The following IRS1 variants were observed in gnomAD, a reference collection of about 807,000 sequenced individuals.
IRS1 encodes insulin receptor substrate 1.
IRS1 carries 34 observed loss-of-function variants against 65.6 expected under a neutral mutation model. That is an observed-to-expected ratio of 0.52 (90% CI 0.39 to 0.69). The LOEUF (loss-of-function observed/expected upper bound fraction) is 0.69. Among genes scored for constraint, IRS1 ranks in the 30% least tolerant of loss-of-function variants. The pLI, the probability that IRS1 is intolerant of heterozygous loss-of-function variation, is 0.00. For missense variants in IRS1, 1,641 were observed against 1,720.2 expected, an observed-to-expected ratio of 0.95 and a Z score of 0.81; for synonymous variants, 699 against 683.5, an observed-to-expected ratio of 1.02 and a Z score of -0.35.
intron 1 of IRS1, among the ~76,000 whole-genome samples, chr2:226,751,049 A>G (rs1047656918): frequency 2.6e-5 from 4 of 152,174 alleles, no homozygotes; most frequent in Admixed American, 2.6e-4. Context: ...AGGCTACACC[A>G]CAAGCCATGT....
intron 1 of IRS1, among the ~76,000 whole-genome samples, chr2:226,793,923 G>A (rs1352624224): frequency 6.6e-6 from 1 of 152,140 alleles, no homozygotes. Context: ...TACGGCATTA[G>A]CCACAGAAGA....
Position 226,795,560 on chromosome 2 carries a change from A to C in IRS1, c.3179T>G (p.Leu1060Arg). The change falls in exon 1 of 2, where the codon CTG becomes CGG. Residue 1060 changes from leucine (L) to arginine (R), a missense_variant. Transcript: ENST00000305123. ...AAELAAHSSLLGGPQGPGGMS... is the reference protein window; with the variant it reads ...AAELAAHSSLRGGPQGPGGMS... ...GCCCCCAGGTCCTTGTGGGCCCCCC[A>C]GCAGGGACGAGTGGGCAGCCAGCTC... 6.2e-7 allele frequency: 1 copy of C among 1,613,024 alleles called. No individual in the cohort carries two copies.
chr2:226,769,102 A>G (rs190115594), intron 1 of IRS1, among the ~76,000 whole-genome samples: 6 of 152,352 alleles, frequency 3.9e-5, no homozygotes, highest in Non-Finnish European at 7.3e-5. Context: ...TATGCAACTG[A>G]AGAGACCATC....
At chr2:226,764,466 C>T (rs1186893842) in intron 1 of IRS1, among the ~76,000 whole-genome samples, 1 of 152,016 alleles carries the variant, frequency 6.6e-6, no homozygotes, top group Admixed American at 6.6e-5. Context: ...TCACTCAAGT[C>T]GAGGAGTGCG....
At position 226,799,767 on chromosome 2, in the gene IRS1, C is replaced by T. The variant is rs943265763; in HGVS notation, c.-1029G>A. 77 of 997,304 alleles carry T rather than the reference C, an allele frequency of 7.7e-5. No individual in the cohort carries two copies. Among genetic ancestry groups the T allele is most frequent in the Admixed American group, 3.1e-4 (5 of 16,272 alleles). 61.8% of individuals were successfully genotyped at this position (997,304 alleles called of 1,614,324 possible). A position where few individuals can be genotyped will look rare whatever the true frequency, so the allele number is the denominator to read the frequency against. Reference sequence around the variant, plus strand: ...CCTCCGACCGCGCCGCCGTCTCACTCGGAGGAGAAAAACACGTGACGGAGC... The same window carrying T: ...CCTCCGACCGCGCCGCCGTCTCACTTGGAGGAGAAAAACACGTGACGGAGC... On this transcript the variant is annotated 5_prime_UTR_variant, in exon 1 of 2. Coordinates refer to ENST00000305123, the MANE Select transcript of IRS1 (RefSeq NM_005544.3). The surrounding 1 kb of genome is among the most constrained non-coding windows in gnomAD (Gnocchi z 6.1).
intron 1 of IRS1, among the ~76,000 whole-genome samples, chr2:226,755,654 G>C (rs1047695046): frequency 2.6e-5 from 4 of 152,198 alleles, no homozygotes; most frequent in African/African-American, 9.6e-5. Flanking sequence ...ATTACTGGGG[G>C]AAGTCTGTTT....
intron 1 of IRS1, among the ~76,000 whole-genome samples, chr2:226,781,872 A>G (rs929119951): frequency 3.3e-5 from 5 of 149,258 alleles, no homozygotes; most frequent in Non-Finnish European, 1.5e-5. Context: ...AAATACACAC[A>G]CACACACACA....
chr2:226,795,436 G>C lies in IRS1; in HGVS notation c.3303C>G (p.Ser1101=), dbSNP rs140150448. 22 of 1,613,436 alleles carry C rather than the reference G, an allele frequency of 1.4e-5. No homozygotes were observed. Among genetic ancestry groups the C allele is most frequent in the Non-Finnish European group, 1.9e-5 (22 of 1,180,032 alleles). Residue 1101 remains serine (S), a synonymous_variant, in exon 1 of 2, where the codon TCC becomes TCG. Transcript: ENST00000305123. Reference sequence around the variant, plus strand: ...CACTGGGTGTTGAGGAGAAAGTCTCGGAGCTATGCCTCCGCCGGCACCCTT... The same window carrying C: ...CACTGGGTGTTGAGGAGAAAGTCTCCGAGCTATGCCTCCGCCGGCACCCTT... ...DPQGCRRRHS[S]ETFSSTPSAT...
At chr2:226,751,251 T>C (rs1032091945) in intron 1 of IRS1, among the ~76,000 whole-genome samples, 55 of 149,558 alleles carry the variant, frequency 3.7e-4, no homozygotes. Context: ...TAGTTAGAAT[T>C]CCTTAAAAGA....
chr2:226,787,416 C>T (rs1939507621), intron 1 of IRS1, among the ~76,000 whole-genome samples: 1 of 152,102 alleles, frequency 6.6e-6, no homozygotes, highest in Non-Finnish European at 1.5e-5. Context: ...ACTACACAAT[C>T]GGAATCTTGA....
Position 226,791,957 on chromosome 2 carries a change from A to T in IRS1, c.*21+3032T>A, listed in dbSNP as rs1312974409. On this transcript the variant is annotated intron_variant, in intron 1 of 1. Coordinates refer to ENST00000305123, the MANE Select transcript of IRS1 (RefSeq NM_005544.3). ...GAAGAGGGAGGAGAAGGAATGCAGG[A>T]AGCGGAGGTGACCCGGAAAAGGGAA... is the stretch of plus-strand genomic sequence containing the variant. Among the ~76,000 whole-genome samples the T allele has an allele frequency of 2.0e-5, 3 of 152,098 alleles. No homozygotes were observed. The South Asian group carries it at 6.2e-4, about 32-fold the overall frequency.
Position 226,797,001 on chromosome 2 carries a change from G to C in IRS1, c.1738C>G (p.Arg580Gly), listed in dbSNP as rs144912682. Residue 580 changes from arginine (R) to glycine (G), a missense_variant, in exon 1 of 2, where the codon CGC (arginine) becomes GGC (glycine). By Grantham distance (125) the Arg-to-Gly change is moderately radical (BLOSUM62 -2). Transcript: ENST00000305123. The surrounding 1 kb of genome is among the most constrained non-coding windows in gnomAD (Gnocchi z 8.1). ...GHRHSAFVPT[R>G]SYPEEGLEMH... is the part of the protein sequence containing the mutation. ...TCCAGACCCTCCTCTGGGTAGGAGC[G>C]GGTGGGCACGAAGGCGGAGTGCCTG... 3.4e-5 allele frequency: 55 copies of C among 1,599,292 alleles called. No individual in the cohort carries two copies. The East Asian group carries it at 1.0e-3, about 30-fold the overall frequency.
intron 1 of IRS1, among the ~76,000 whole-genome samples, chr2:226,740,048 A>C (rs1218692352): frequency 6.6e-6 from 1 of 152,244 alleles, no homozygotes; most frequent in Non-Finnish European, 1.5e-5. Flanking sequence ...AAGTTTTACA[A>C]ATGCAAAAAT....
intron 1 of IRS1, among the ~76,000 whole-genome samples, chr2:226,793,240 A>G (rs190343229): frequency 3.0e-4 from 46 of 152,340 alleles, no homozygotes; most frequent in African/African-American, 1.1e-3. Flanking sequence ...GACAAGTAAG[A>G]AAAACTTATT....
rs566176704 is a variant in IRS1, at chr2:226,799,232, G to A, written c.-494C>T. ...AATATCCTTGGGCAGGGGGAGGCGG[G>A]TTGCCAAGTCCCAACGTTGCACGGG... On this transcript the variant is annotated 5_prime_UTR_variant, in exon 1 of 2. Coordinates refer to ENST00000305123, the MANE Select transcript of IRS1 (RefSeq NM_005544.3). This position sits in a 1 kb window ranked among gnomAD's most constrained non-coding sequence, Gnocchi z 6.1. 36 of 1,116,418 alleles carry A rather than the reference G, an allele frequency of 3.2e-5. No individual in the cohort carries two copies. In the South Asian group the frequency reaches 6.9e-4, roughly 21 times the overall value. 69.2% of individuals were successfully genotyped at this position (1,116,418 alleles called of 1,614,324 possible).
intron 1 of IRS1, among the ~76,000 whole-genome samples, chr2:226,763,275 A>C (rs1938956569): frequency 6.6e-6 from 1 of 152,174 alleles, no homozygotes; most frequent in South Asian, 2.1e-4. Context: ...TTTTATTCAA[A>C]TTACTACATT....
At chr2:226,769,893 A>G (rs1468889558) in intron 1 of IRS1, among the ~76,000 whole-genome samples, 1 of 152,170 alleles carries the variant, frequency 6.6e-6, no homozygotes, top group Non-Finnish European at 1.5e-5. Context: ...ACTGCCATAT[A>G]AAGTATGGCC....
intron 1 of IRS1, among the ~76,000 whole-genome samples, chr2:226,788,029 A>C (rs567380104): frequency 9.2e-5 from 14 of 151,860 alleles, no homozygotes; most frequent in South Asian, 4.2e-4. Flanking sequence ...CAAAAAAAAA[A>C]ACGTCTCTTT....
rs1004486974 is a variant in IRS1, at chr2:226,799,598, A to G, written c.-860T>C. The G allele has an allele frequency of 1.1e-5, 11 of 1,019,934 alleles. No individual in the cohort carries two copies. The African/African-American group carries it at 1.7e-4, about 16-fold the overall frequency. 63.2% of individuals were successfully genotyped at this position (1,019,934 alleles called of 1,614,324 possible). A position where few individuals can be genotyped will look rare whatever the true frequency, so the allele number is the denominator to read the frequency against. On this transcript the variant is annotated 5_prime_UTR_variant, in exon 1 of 2. Coordinates refer to ENST00000305123, the MANE Select transcript of IRS1 (RefSeq NM_005544.3). The surrounding 1 kb of genome is among the most constrained non-coding windows in gnomAD (Gnocchi z 6.1). ...GAGAGGGGATGGGGGAGGTTTGGGA[A>G]GGGTTCGGGGAAGACGCCTGTTCCT...
Sources: gnomAD v4.1 joint callset for allele counts (sites outside exome capture counted in the v4.1 genomes callset) on GRCh38, gnomAD v4.1.1 for gene constraint, Gnocchi (gnomAD v3.1) non-coding constraint, MANE v1.5 for transcripts, NCBI Gene and HGNC (gene_info 2026-07-23, HGNC 2026-07-21) for gene names.